RGS7: variants seen among roughly 807,000 people sequenced by gnomAD.
The protein encoded by RGS7 is regulator of G-protein signaling 7.
In RGS7, 27 loss-of-function variants were observed where a neutral mutation model predicts 81.1. That is an observed-to-expected ratio of 0.33 (90% CI 0.25 to 0.46). RGS7 has a LOEUF of 0.46. Among genes scored for constraint, RGS7 ranks in the 20% least tolerant of loss-of-function variants. The pLI is 1.00. For missense variants in RGS7, 396 were observed against 607.4 expected, an observed-to-expected ratio of 0.65 and a Z score of 3.66; for synonymous variants, 208 against 207.7, an observed-to-expected ratio of 1.00 and a Z score of -0.01.
At chr1:241,023,803 T>C (rs935264671) in intron 3 of RGS7, among the ~76,000 whole-genome samples, 1 of 152,252 alleles carries the variant, frequency 6.6e-6, no homozygotes, top group Non-Finnish European at 1.5e-5. Context: ...TGCAGTGCAA[T>C]GGCGCGATCT....
intron 2 of RGS7, among the ~76,000 whole-genome samples, chr1:241,291,644 T>C (rs2079097693): frequency 7.5e-6 from 1 of 133,692 alleles, no homozygotes. Context: ...AGTGGCATGA[T>C]CTCGGCTCAC....
chr1:241,093,554 C>T (rs60915194), intron 3 of RGS7, among the ~76,000 whole-genome samples: 7,373 of 152,106 alleles, frequency 0.048, 602 homozygotes, highest in African/African-American at 0.17. Context: ...CAGCAGACAC[C>T]AATCCCATAT....
intron 2 of RGS7, among the ~76,000 whole-genome samples, chr1:241,194,259 A>G (rs1016561164): frequency 6.6e-6 from 1 of 152,218 alleles, no homozygotes; most frequent in African/African-American, 2.4e-5. Flanking sequence ...AGCAAAAATT[A>G]TATTGAGAAA....
At chr1:240,937,550 T>C (rs1676853990) in intron 4 of RGS7, among the ~76,000 whole-genome samples, 1 of 152,238 alleles carries the variant, frequency 6.6e-6, no homozygotes, top group South Asian at 2.1e-4. Flanking sequence ...ATGGGAAGGC[T>C]CTTCTCAATC....
chr1:241,127,972 T>C (rs1374369733), intron 2 of RGS7, among the ~76,000 whole-genome samples: 1 of 152,000 alleles, frequency 6.6e-6, no homozygotes, highest in East Asian at 1.9e-4. Context: ...TAGAGCAGTA[T>C]GTTATCTAAA....
intron 3 of RGS7, among the ~76,000 whole-genome samples, chr1:241,002,926 T>TTA (rs1397797500): frequency 6.6e-6 from 1 of 152,166 alleles, no homozygotes; most frequent in African/African-American, 2.4e-5. Flanking sequence ...AACAAAAAAT[T>TTA]TATAATACAC....
At chr1:241,272,984 A>G (rs2077994555) in intron 2 of RGS7, among the ~76,000 whole-genome samples, 1 of 151,820 alleles carries the variant, frequency 6.6e-6, no homozygotes. Context: ...TTTAACATAT[A>G]TACATATGTA....
chr1:241,246,154 G>C (rs1321987708), intron 2 of RGS7, among the ~76,000 whole-genome samples: 2 of 152,034 alleles, frequency 1.3e-5, no homozygotes, highest in Non-Finnish European at 2.9e-5. Flanking sequence ...TGATGATGGG[G>C]TGTGGATGAA....
intron 3 of RGS7, among the ~76,000 whole-genome samples, chr1:241,051,346 C>T (rs866914836): frequency 6.6e-6 from 1 of 152,222 alleles, no homozygotes; most frequent in Middle Eastern, 3.4e-3. Flanking sequence ...GCTTTAATCA[C>T]CTGCAACTTG....
Position 241,271,103 on chromosome 1 carries a change from A to G in RGS7, c.78+84596T>C, listed in dbSNP as rs1215093611. Among the ~76,000 whole-genome samples, 2 of 152,114 alleles carry G rather than the reference A, an allele frequency of 1.3e-5. No homozygotes were observed. Among genetic ancestry groups the G allele is most frequent in the African/African-American group, 2.4e-5 (1 of 41,412 alleles). ...CGCTGCAGTGGCGAAAGCATTCATC[A>G]TTGCCGACCTGTGTGGAATGTGAAC... On this transcript the variant is annotated intron_variant, in intron 2 of 18. Coordinates refer to ENST00000440928, the MANE Select transcript of RGS7 (RefSeq NM_001364886.1). The surrounding 1 kb of genome is among the most constrained non-coding windows in gnomAD (Gnocchi z 4.6).
chr1:241,098,521 T>C, intron 3 of RGS7, 145 bp downstream of exon 3: 1 of 688,028 alleles, frequency 1.5e-6, no homozygotes, highest in South Asian at 1.6e-5. Flanking sequence ...GTGTTTCACA[T>C]GATAAATATA....
intron 2 of RGS7, among the ~76,000 whole-genome samples, chr1:241,122,887 C>A (rs2066387666): frequency 6.6e-6 from 1 of 152,150 alleles, no homozygotes. Flanking sequence ...AATACGGTTT[C>A]TACTGAATGT....
At chr1:241,035,711 A>T (rs2060290045) in intron 3 of RGS7, among the ~76,000 whole-genome samples, 1 of 152,148 alleles carries the variant, frequency 6.6e-6, no homozygotes, top group Non-Finnish European at 1.5e-5. Flanking sequence ...CATTATCTCC[A>T]GCACCACCAC....
intron 3 of RGS7, among the ~76,000 whole-genome samples, chr1:241,028,113 G>A (rs2059884304): frequency 6.6e-6 from 1 of 152,172 alleles, no homozygotes; most frequent in African/African-American, 2.4e-5. Context: ...GACAGCAGAG[G>A]ACCAAGAAGC....
chr1:241,208,364 A>G (rs2074045185), intron 2 of RGS7, among the ~76,000 whole-genome samples: 1 of 152,114 alleles, frequency 6.6e-6, no homozygotes, highest in Non-Finnish European at 1.5e-5. Context: ...CAGGGACAGG[A>G]GGCATTTCGG....
chr1:241,282,767 A>G (rs1228320520), intron 2 of RGS7, among the ~76,000 whole-genome samples: 3 of 152,184 alleles, frequency 2.0e-5, no homozygotes, highest in East Asian at 1.9e-4. Flanking sequence ...AGAGTTTTTT[A>G]TCATAAATGG....
intron 2 of RGS7, among the ~76,000 whole-genome samples, chr1:241,138,821 T>A (rs992707053): frequency 1.3e-5 from 2 of 152,190 alleles, no homozygotes; most frequent in Non-Finnish European, 2.9e-5. Context: ...AATATATGCT[T>A]TTTTTAAAAA....
intron 3 of RGS7, among the ~76,000 whole-genome samples, chr1:241,025,100 G>A (rs1242364291): frequency 6.6e-6 from 1 of 152,188 alleles, no homozygotes; most frequent in Non-Finnish European, 1.5e-5. Flanking sequence ...ACCCTTGGTA[G>A]AGAGACAAAT....
intron 2 of RGS7, among the ~76,000 whole-genome samples, chr1:241,355,361 T>C (rs1377355698): frequency 6.6e-6 from 1 of 152,202 alleles, no homozygotes; most frequent in Non-Finnish European, 1.5e-5. Flanking sequence ...AAAGGGGGTA[T>C]AAGAAAAAGC....
Sources: gnomAD v4.1 joint callset for allele counts (sites outside exome capture counted in the v4.1 genomes callset) on GRCh38, gnomAD v4.1.1 for gene constraint, Gnocchi (gnomAD v3.1) non-coding constraint, MANE v1.5 for transcripts, NCBI Gene and HGNC (gene_info 2026-07-23, HGNC 2026-07-21) for gene names.